HPD: variants seen among roughly 807,000 people sequenced by gnomAD.
HPD encodes 4-hydroxyphenylpyruvic acid oxidase.
HPD carries 35 observed loss-of-function variants against 56.9 expected under a neutral mutation model. That is an observed-to-expected ratio of 0.62 (90% CI 0.47 to 0.82). The LOEUF is 0.82. HPD is among the 40% of genes least tolerant of loss of function. HPD has a pLI of 0.00. For synonymous variants in HPD, 186 were observed against 200.2 expected, an observed-to-expected ratio of 0.93 and a Z score of 0.60; for missense variants, 442 against 506.8, an observed-to-expected ratio of 0.87 and a Z score of 1.23.
chr12:121,851,687 A>ATTATTTTT (rs1877778845), intron 7 of HPD, among the ~76,000 whole-genome samples: 1 of 92,400 alleles, frequency 1.1e-5, no homozygotes, highest in African/African-American at 4.3e-5. Flanking sequence ...TTATTCATTT[A>ATTATTTTT]TTTATTTATT....
the HPD span, among the ~76,000 whole-genome samples, chr12:121,888,551 C>A: frequency 6.6e-6 from 1 of 152,328 alleles, no homozygotes; most frequent in Admixed American, 6.5e-5. Flanking sequence ...GTCTGCTGCA[C>A]GAATGAGAAA....
At chr12:121,845,897 T>C (rs1158452302) in intron 11 of HPD, among the ~76,000 whole-genome samples, 1 of 152,146 alleles carries the variant, frequency 6.6e-6, no homozygotes, top group East Asian at 1.9e-4. Flanking sequence ...AAAAAAAATT[T>C]CTTTTTTGAG....
chr12:121,845,302 G>A (rs1346789512), intron 11 of HPD, among the ~76,000 whole-genome samples: 3 of 148,760 alleles, frequency 2.0e-5, no homozygotes, highest in Admixed American at 2.0e-4. Flanking sequence ...TTTTTGTAAA[G>A]ATGAGGTCTT....
chr12:121,841,568 A>G (rs1261270610), intron 12 of HPD, among the ~76,000 whole-genome samples: 1 of 152,190 alleles, frequency 6.6e-6, no homozygotes, highest in East Asian at 1.9e-4. Flanking sequence ...CTATCTATAC[A>G]ATGGGATATT....
chr12:121,854,669 A>G (rs1365020443), intron 7 of HPD, 34 bp downstream of exon 7: 2 of 1,473,380 alleles, frequency 1.4e-6, no homozygotes, highest in Non-Finnish European at 1.9e-6. Flanking sequence ...TGGTGCCGAC[A>G]GCAGGAGGGG....
Position 121,851,853 on chromosome 12 carries a change from G to A in HPD, c.415-2063C>T, listed in dbSNP as rs1226229305. On this transcript the variant is annotated intron_variant, in intron 7 of 13. Transcript: ENST00000289004. Reference sequence around the variant, plus strand: ...GCCTCCCGAGTAGCTGGGACTACAGGCGCCCGCTACCACGCCCGGCTACTT... The same window carrying A: ...GCCTCCCGAGTAGCTGGGACTACAGACGCCCGCTACCACGCCCGGCTACTT... 5.1e-3 allele frequency among the ~76,000 whole-genome samples: 151 copies of A among 29,784 alleles called. 2 individuals are homozygous for A. The highest frequency in any genetic ancestry group is 7.2e-3 in the Admixed American group (26 of 3,632). 19.5% of individuals were successfully genotyped at this position (29,784 alleles called of 152,430 possible).
rs142088086 is a variant in HPD at position 121,846,115 on chromosome 12, T to C, written c.831+747A>G. Reference sequence around the variant, plus strand: ...AGGGTCCCACTGTTTTCCAGGCTGATCTCTAACTTATGGGCTCAAACAATC... The same window carrying C: ...AGGGTCCCACTGTTTTCCAGGCTGACCTCTAACTTATGGGCTCAAACAATC... On this transcript the variant is annotated intron_variant, in intron 11 of 13. Transcript: ENST00000289004. Among the ~76,000 whole-genome samples the C allele has an allele frequency of 2.0e-5, 3 of 152,320 alleles. No homozygotes were observed. The East Asian group carries it at 5.8e-4, about 29-fold the overall frequency.
chr12:121,859,957 G>A (rs980634160), upstream of HPD, among the ~76,000 whole-genome samples: 13 of 152,158 alleles, frequency 8.5e-5, no homozygotes, highest in Admixed American at 2.6e-4. Flanking sequence ...CCAGGAGTTT[G>A]AGACCAGCCT....
chr12:121,862,829 T>C (rs1173658706), upstream of HPD, among the ~76,000 whole-genome samples: 1 of 148,250 alleles, frequency 6.7e-6, no homozygotes, highest in Non-Finnish European at 1.5e-5. Flanking sequence ...TACAGGCACC[T>C]GCCACCTGGC....
In HPD at chr12:121,857,833, G is replaced by A. The variant is rs764557450; in HGVS notation, c.31-14C>T. 12 of 1,611,064 alleles carry A rather than the reference G, an allele frequency of 7.4e-6. No individual in the cohort carries two copies. The Admixed American group carries it at 1.2e-4, about 16-fold the overall frequency. On this transcript the variant is annotated splice_polypyrimidine_tract_variant and intron_variant, in intron 2 of 13. Coordinates refer to ENST00000289004, the MANE Select transcript of HPD (RefSeq NM_002150.3). ...GCCTCTCTCAGGCTGCAGAAGGAGA[G>A]AAGAGGTGAGGTTGAGTCCCTGAAA...
rs1187923495 is a variant in HPD at position 121,854,802 on chromosome 12, A to G, written c.325-10T>C. The G allele has an allele frequency of 1.2e-6, 2 of 1,608,212 alleles. No individual in the cohort carries two copies. The highest frequency in any genetic ancestry group is 2.2e-5 in the East Asian group (1 of 44,848). Reference sequence around the variant, plus strand: ...CCCGTTCCCGTGCTTTCTGCAGAGAAGATGGGATCGGGGAATTGGTGAGGG... The same window carrying G: ...CCCGTTCCCGTGCTTTCTGCAGAGAGGATGGGATCGGGGAATTGGTGAGGG... On this transcript the variant is annotated splice_polypyrimidine_tract_variant and intron_variant, in intron 6 of 13. Transcript: ENST00000289004.
At chr12:121,886,002 C>T in the HPD span, among the ~76,000 whole-genome samples, 1 of 151,500 alleles carries the variant, frequency 6.6e-6, no homozygotes, top group Non-Finnish European at 1.5e-5. Flanking sequence ...AGCATGTTGG[C>T]CAGGCTGGTC....
the HPD span, among the ~76,000 whole-genome samples, chr12:121,887,831 T>C: frequency 6.6e-6 from 1 of 152,220 alleles, no homozygotes; most frequent in Non-Finnish European, 1.5e-5. Context: ...ATGTCCCTTC[T>C]TTTGGATATG....
chr12:121,841,043 T>A (rs1877389048), intron 12 of HPD, among the ~76,000 whole-genome samples: 1 of 149,642 alleles, frequency 6.7e-6, no homozygotes. Context: ...AAAATAAAAA[T>A]AAAAATAAAT....
chr12:121,857,644 G>T, intron 3 of HPD, 113 bp downstream of exon 3: 4 of 981,350 alleles, frequency 4.1e-6, no homozygotes, highest in East Asian at 2.4e-5. Context: ...GCCCACCCCT[G>T]GCCTGATCCT....
At chr12:121,882,251 A>C in the HPD span, among the ~76,000 whole-genome samples, 1 of 151,976 alleles carries the variant, frequency 6.6e-6, no homozygotes, top group African/African-American at 2.4e-5. Flanking sequence ...TGAAACATGG[A>C]AAGTGTGGTG....
intron 12 of HPD, among the ~76,000 whole-genome samples, chr12:121,842,693 G>C (rs1877446526): frequency 6.7e-6 from 1 of 148,774 alleles, no homozygotes; most frequent in Non-Finnish European, 1.5e-5. Flanking sequence ...GCCTCCCAAA[G>C]TGCTGGGATT....
chr12:121,865,352 C>T (rs954184196), upstream of HPD, among the ~76,000 whole-genome samples: 3 of 151,774 alleles, frequency 2.0e-5, no homozygotes, highest in South Asian at 6.2e-4. Flanking sequence ...TTACTGCAAC[C>T]TCCGCCTCCC....
chr12:121,862,143 C>T (rs1878191122), upstream of HPD, among the ~76,000 whole-genome samples: 1 of 152,156 alleles, frequency 6.6e-6, no homozygotes, highest in Non-Finnish European at 1.5e-5. Context: ...AACTCTAGGA[C>T]CCTGGCAGAT....
Sources: allele counts gnomAD v4.1 joint callset (sites outside exome capture counted in the v4.1 genomes callset), GRCh38; gene constraint gnomAD v4.1.1; transcripts MANE v1.5; gene names NCBI Gene and HGNC (gene_info 2026-07-23, HGNC 2026-07-21).